ASAP2: variants seen among roughly 807,000 people sequenced by gnomAD.
ASAP2 encodes the protein arf-GAP with SH3 domain, ANK repeat and PH domain-containing protein 2.
ASAP2 carries 45 observed loss-of-function variants against 131.4 expected under a neutral mutation model. The observed-to-expected ratio is 0.34, with a 90% CI of 0.27 to 0.44. ASAP2 has a LOEUF of 0.44. ASAP2 is among the 20% of genes least tolerant of loss of function. The pLI is 1.00. For missense variants in ASAP2, 1,011 were observed against 1,297.0 expected (o/e 0.78, Z 3.39); for synonymous variants, 510 against 503.0 (o/e 1.01, Z -0.19).
At position 9,404,872 on chromosome 2, in the gene ASAP2, A is replaced by G. The variant is rs987955554; in HGVS notation, c.*1545A>G. ...CCGGGTAAAAATGTGTTATATCTGT[A>G]GTTTTTTGTTTTTGTTTTTTTTTAA... On this transcript the variant is annotated 3_prime_UTR_variant, in exon 28 of 28. Coordinates refer to ENST00000281419, the MANE Select transcript of ASAP2 (RefSeq NM_003887.3). 6.6e-6 allele frequency: 1 copy of G among 152,092 alleles called. No individual in the cohort carries two copies. The highest frequency in any genetic ancestry group is 1.5e-5 in the Non-Finnish European group (1 of 67,942). 9.4% of individuals were successfully genotyped at this position (152,092 alleles called of 1,614,324 possible).
At chr2:9,216,492 A>C (rs1572178775) in intron 1 of ASAP2, among the ~76,000 whole-genome samples, 1 of 112,286 alleles carries the variant, frequency 8.9e-6, no homozygotes, top group Admixed American at 1.3e-4. Context: ...ACGGTGTCTC[A>C]CTCTGTCACC....
At chr2:9,325,285 A>C (rs1174237229) in intron 6 of ASAP2, among the ~76,000 whole-genome samples, 1 of 152,224 alleles carries the variant, frequency 6.6e-6, no homozygotes, top group Non-Finnish European at 1.5e-5. Context: ...GAAATCAGCG[A>C]GACAGCATGA....
At chr2:9,297,020 ATGT>A (rs369883371) in intron 2 of ASAP2, among the ~76,000 whole-genome samples, 2 of 152,038 alleles carry the variant, frequency 1.3e-5, no homozygotes, top group African/African-American at 2.4e-5. Flanking sequence ...AGAGGTGGAA[ATGT>A]TGTGTGTCCT....
At chr2:9,294,712 C>T (rs1366406455) in intron 2 of ASAP2, among the ~76,000 whole-genome samples, 5 of 152,192 alleles carry the variant, frequency 3.3e-5, no homozygotes, top group Non-Finnish European at 7.3e-5. Context: ...AGGTCCAGTC[C>T]TCCTCTTGGT....
intron 2 of ASAP2, among the ~76,000 whole-genome samples, chr2:9,282,740 T>C (rs949564392): frequency 6.6e-6 from 1 of 152,264 alleles, no homozygotes; most frequent in Non-Finnish European, 1.5e-5. Flanking sequence ...GCATTTATGC[T>C]TCATACTGCC....
At chr2:9,390,084 T>G (rs1675603511) in intron 22 of ASAP2, among the ~76,000 whole-genome samples, 1 of 152,258 alleles carries the variant, frequency 6.6e-6, no homozygotes, top group Non-Finnish European at 1.5e-5. Context: ...AATCTCCTGG[T>G]TTCCCGAAGT....
intron 1 of ASAP2, among the ~76,000 whole-genome samples, chr2:9,230,661 A>G (rs1168810730): frequency 6.6e-6 from 1 of 152,184 alleles, no homozygotes; most frequent in Non-Finnish European, 1.5e-5. Context: ...GGCGAGGAGG[A>G]CGGTCCATGT....
chr2:9,359,607 A>G (rs1672954061), intron 15 of ASAP2, among the ~76,000 whole-genome samples: 1 of 152,254 alleles, frequency 6.6e-6, no homozygotes, highest in South Asian at 2.1e-4. Context: ...AACAGTAAGT[A>G]GATAGTGATT....
intron 23 of ASAP2, 56 bp from the exon 24 acceptor site, chr2:9,393,426 C>G (rs1675867452): frequency 7.4e-6 from 11 of 1,479,150 alleles, no homozygotes; most frequent in African/African-American, 1.4e-5. Flanking sequence ...AGTGAGGAGG[C>G]CTGAGTGGGA....
rs79221312 is a variant in ASAP2 at position 9,377,946 on chromosome 2, G to A, written c.1832+953G>A. Among the ~76,000 whole-genome samples, 1,100 of 152,168 alleles carry A rather than the reference G, an allele frequency of 7.2e-3. 13 individuals are homozygous for A. The highest frequency in any genetic ancestry group is 0.025 in the African/African-American group (1,036 of 41,488). On this transcript the variant is annotated intron_variant, in intron 18 of 27. Coordinates refer to ENST00000281419, the MANE Select transcript of ASAP2 (RefSeq NM_003887.3). ...GCTCCTAGAACGCAGCAGGGGTTTC[G>A]TAAACATTTGGTTGATAGCTGCGTG...
At chr2:9,381,591 C>T (rs1276011538) in intron 20 of ASAP2, among the ~76,000 whole-genome samples, 2 of 152,188 alleles carry the variant, frequency 1.3e-5, no homozygotes, top group African/African-American at 4.8e-5. Flanking sequence ...TAAAAACTAG[C>T]AACGCATGGT....
At chr2:9,347,771 A>G (rs919382851) in intron 11 of ASAP2, among the ~76,000 whole-genome samples, 1 of 152,166 alleles carries the variant, frequency 6.6e-6, no homozygotes, top group Non-Finnish European at 1.5e-5. Context: ...GGATTGCCAC[A>G]CCACTGAGGG....
At chr2:9,337,916 C>G (rs1029163102) in intron 9 of ASAP2, among the ~76,000 whole-genome samples, 2 of 152,190 alleles carry the variant, frequency 1.3e-5, no homozygotes, top group African/African-American at 4.8e-5. Flanking sequence ...GCAGTGACCA[C>G]CCATAGTGCA....
At chr2:9,388,064 A>G (rs1675423114) in intron 21 of ASAP2, among the ~76,000 whole-genome samples, 1 of 152,238 alleles carries the variant, frequency 6.6e-6, no homozygotes, top group African/African-American at 2.4e-5. Flanking sequence ...GTGGGGACAC[A>G]AAGCCAAACC....
intron 27 of ASAP2, among the ~76,000 whole-genome samples, chr2:9,402,279 T>G (rs1676784042): frequency 6.6e-6 from 1 of 152,188 alleles, no homozygotes; most frequent in Non-Finnish European, 1.5e-5. Context: ...CTGCCTTCAT[T>G]TGGCAGAGCT....
intron 1 of ASAP2, among the ~76,000 whole-genome samples, chr2:9,249,971 A>G (rs549524984): frequency 6.6e-6 from 1 of 152,348 alleles, no homozygotes; most frequent in South Asian, 2.1e-4. Flanking sequence ...TGTGGAAGGA[A>G]GGCAGGGCTT....
At chr2:9,336,688 T>A (rs1170713472) in intron 9 of ASAP2, among the ~76,000 whole-genome samples, 1 of 152,094 alleles carries the variant, frequency 6.6e-6, no homozygotes, top group African/African-American at 2.4e-5. Context: ...CCTCCTAGTC[T>A]AGAGAATGTA....
intron 1 of ASAP2, chr2:9,271,397 A>G (rs1045062402): frequency 2.1e-6 from 3 of 1,409,476 alleles, no homozygotes; most frequent in Admixed American, 1.7e-5. Context: ...ACTTCTCCAT[A>G]TTCTGGATGC....
chr2:9,350,947 C>A, intron 12 of ASAP2, 52 bp downstream of exon 12: 1 of 1,358,948 alleles, frequency 7.4e-7, no homozygotes, highest in Non-Finnish European at 1.0e-6. Context: ...TTATGCTCTC[C>A]TCTGGGGCGT....
Sources: allele counts gnomAD v4.1 joint callset (sites outside exome capture counted in the v4.1 genomes callset), GRCh38; gene constraint gnomAD v4.1.1; transcripts MANE v1.5; gene names NCBI Gene and HGNC (gene_info 2026-07-23, HGNC 2026-07-21).